CAMTA1: variants seen among roughly 807,000 people sequenced by gnomAD.
CAMTA1 encodes calmodulin binding transcription activator 1, also known as calmodulin-binding transcription activator 1.
Under a neutral mutation model 170.9 loss-of-function variants are expected in CAMTA1, and 27 were observed. The observed-to-expected ratio is 0.16, with a 90% CI of 0.12 to 0.22. The LOEUF (loss-of-function observed/expected upper bound fraction) is 0.22. Among genes scored for constraint, CAMTA1 ranks in the 10% least tolerant of loss-of-function variants. The pLI is 1.00. For synonymous variants in CAMTA1, 833 were observed against 891.5 expected, an observed-to-expected ratio of 0.93 and a Z score of 1.17; for missense variants, 1,619 against 2,217.2, an observed-to-expected ratio of 0.73 and a Z score of 5.42.
intron 6 of CAMTA1, among the ~76,000 whole-genome samples, chr1:7,475,561 C>A (rs1022805885): frequency 3.3e-5 from 5 of 152,332 alleles, no homozygotes; most frequent in Admixed American, 2.0e-4. Flanking sequence ...GTTATAAGCA[C>A]CCTGTGTTAC....
chr1:6,856,188 G>A (rs909784036), intron 3 of CAMTA1, among the ~76,000 whole-genome samples: 2 of 152,122 alleles, frequency 1.3e-5, no homozygotes, highest in Admixed American at 1.3e-4. Flanking sequence ...GAAGCCACCT[G>A]CGTTGCAGGA....
Position 7,286,553 on chromosome 1 carries a change from G to A in CAMTA1, c.438+36927G>A, listed in dbSNP as rs894754627. Among the ~76,000 whole-genome samples, 2 of 152,326 alleles carry A rather than the reference G, an allele frequency of 1.3e-5. No homozygotes were observed. Among genetic ancestry groups the A allele is most frequent in the Admixed American group, 6.5e-5 (1 of 15,300 alleles). On this transcript the variant is annotated intron_variant, in intron 5 of 22. Transcript: ENST00000303635. This position sits in a 1 kb window ranked among gnomAD's most constrained non-coding sequence, Gnocchi z 4.2. ...CTGGGGAGATGTACCTGTGGCTGACGTTAATGCACAGAATCATTGTAGTAT... is the reference window on the plus strand; with the variant it reads ...CTGGGGAGATGTACCTGTGGCTGACATTAATGCACAGAATCATTGTAGTAT...
At chr1:7,527,966 C>T (rs1023184439) in intron 6 of CAMTA1, among the ~76,000 whole-genome samples, 1 of 152,136 alleles carries the variant, frequency 6.6e-6, no homozygotes, top group Non-Finnish European at 1.5e-5. Flanking sequence ...GAGGGCGCAG[C>T]GGCAAGAGCC....
chr1:7,558,860 G>C (rs1452574016), intron 6 of CAMTA1, among the ~76,000 whole-genome samples: 2 of 152,262 alleles, frequency 1.3e-5, no homozygotes, highest in African/African-American at 4.8e-5. Flanking sequence ...ATTTAGTTCT[G>C]ATATCTTAAT....
chr1:6,856,290 T>C (rs1662334952), intron 3 of CAMTA1, among the ~76,000 whole-genome samples: 1 of 151,964 alleles, frequency 6.6e-6, no homozygotes, highest in Non-Finnish European at 1.5e-5. Flanking sequence ...TTTTTTTTTT[T>C]TTCTCTGTGA....
chr1:7,101,967 T>C (rs1363968124), intron 4 of CAMTA1, among the ~76,000 whole-genome samples: 2 of 151,754 alleles, frequency 1.3e-5, no homozygotes, highest in Non-Finnish European at 2.9e-5. Context: ...AATGCATGCA[T>C]GCAGCACAGA....
intron 5 of CAMTA1, among the ~76,000 whole-genome samples, chr1:7,373,297 C>T (rs2086615488): frequency 6.6e-6 from 1 of 152,234 alleles, no homozygotes; most frequent in African/African-American, 2.4e-5. Flanking sequence ...GTCGCTGGAG[C>T]TGCCAAAGCT....
chr1:7,497,653 A>C (rs562007491), intron 6 of CAMTA1, among the ~76,000 whole-genome samples: 1 of 152,046 alleles, frequency 6.6e-6, no homozygotes, highest in African/African-American at 2.4e-5. Context: ...TACCACTTTC[A>C]TTTTTCACTG....
In CAMTA1 at chr1:6,982,881, C is replaced by A. The variant is rs571859335; in HGVS notation, c.235-108423C>A. ...CAAACTCATAGGGCTTGGTGGGGACCAGGCCAATGCAGGACAATTGGGCCT... is the reference window on the plus strand; with the variant it reads ...CAAACTCATAGGGCTTGGTGGGGACAAGGCCAATGCAGGACAATTGGGCCT... On this transcript the variant is annotated intron_variant, in intron 3 of 22. Transcript: ENST00000303635. Among the ~76,000 whole-genome samples, 17 of 152,278 alleles carry A rather than the reference C, an allele frequency of 1.1e-4. No homozygotes were observed. The East Asian group carries it at 2.5e-3, about 23-fold the overall frequency.
At position 7,592,204 on chromosome 1, in the gene CAMTA1, TCA is replaced by T; in HGVS notation, c.511-48193_511-48192del. ...ATGAGCCACCGCACCCAGCCACTTT[TCA>T]CAGTTTAGATCTCAGCTCAGTGGCC... On this transcript the variant is annotated intron_variant, in intron 6 of 22. Coordinates refer to ENST00000303635, the MANE Select transcript of CAMTA1 (RefSeq NM_015215.4). This position sits in a 1 kb window ranked among gnomAD's most constrained non-coding sequence, Gnocchi z 4.6. Among the ~76,000 whole-genome samples the T allele has an allele frequency of 6.6e-6, 1 of 152,334 alleles. No individual in the cohort carries two copies. Among genetic ancestry groups the T allele is most frequent in the Middle Eastern group, 3.4e-3 (1 of 294 alleles).
chr1:7,597,716 G>A (rs2095410883), intron 6 of CAMTA1, among the ~76,000 whole-genome samples: 1 of 152,174 alleles, frequency 6.6e-6, no homozygotes, highest in East Asian at 1.9e-4. Context: ...TCTTTCTTGG[G>A]GACCTCAGTC....
intron 6 of CAMTA1, among the ~76,000 whole-genome samples, chr1:7,495,842 C>G (rs944111688): frequency 1.3e-5 from 2 of 152,240 alleles, no homozygotes; most frequent in African/African-American, 4.8e-5. Flanking sequence ...CAGAGTTCCT[C>G]TCAGGGCTCC....
chr1:7,125,168 G>A (rs1558135446), intron 4 of CAMTA1, among the ~76,000 whole-genome samples: 1 of 152,164 alleles, frequency 6.6e-6, no homozygotes, highest in Non-Finnish European at 1.5e-5. Context: ...GGCACGCTGA[G>A]CCAAGCATGG....
chr1:7,098,806 G>T (rs1642392053), intron 4 of CAMTA1, among the ~76,000 whole-genome samples: 2 of 152,146 alleles, frequency 1.3e-5, no homozygotes, highest in South Asian at 4.1e-4. Context: ...GGACATGTGA[G>T]CCTCATGTGA....
intron 3 of CAMTA1, among the ~76,000 whole-genome samples, chr1:7,069,020 C>T (rs762157032): frequency 1.3e-5 from 2 of 152,204 alleles, no homozygotes; most frequent in South Asian, 2.1e-4. Context: ...GCCTGGCCTC[C>T]GCAGAGCTGG....
chr1:7,388,668 G>A (rs1255748809), intron 5 of CAMTA1, among the ~76,000 whole-genome samples: 1 of 152,158 alleles, frequency 6.6e-6, no homozygotes, highest in Non-Finnish European at 1.5e-5. Context: ...TGAGTCCAGG[G>A]GGCCTGGCCA....
chr1:7,393,211 T>A (rs571747589), intron 5 of CAMTA1, among the ~76,000 whole-genome samples: 1 of 152,282 alleles, frequency 6.6e-6, no homozygotes, highest in South Asian at 2.1e-4. Context: ...TTATATGCCA[T>A]CTGTATGTTT....
Position 7,673,332 on chromosome 1 carries a change from C to T in CAMTA1, c.2779+2295C>T, listed in dbSNP as rs1193369349. On this transcript the variant is annotated intron_variant, in intron 10 of 22. Coordinates refer to ENST00000303635, the MANE Select transcript of CAMTA1 (RefSeq NM_015215.4). The surrounding 1 kb of genome is among the most constrained non-coding windows in gnomAD (Gnocchi z 4.6). ...TGACCTCTCTGGGCCTCAGTTTCTA[C>T]AGCTCTGAAAACTGCCTGCCAGCAG... Among the ~76,000 whole-genome samples, 1 of 152,248 alleles carries T rather than the reference C, an allele frequency of 6.6e-6. No homozygotes were observed. Among genetic ancestry groups the T allele is most frequent in the African/African-American group, 2.4e-5 (1 of 41,468 alleles).
intron 3 of CAMTA1, among the ~76,000 whole-genome samples, chr1:7,061,324 C>T (rs1041837847): frequency 7.2e-5 from 11 of 152,340 alleles, no homozygotes; most frequent in African/African-American, 2.4e-4. Context: ...ACGTGTCCAC[C>T]GTCCTGCTGG....
Sources: allele counts gnomAD v4.1 joint callset (sites outside exome capture counted in the v4.1 genomes callset), GRCh38; gene constraint gnomAD v4.1.1; non-coding constraint Gnocchi (gnomAD v3.1); transcripts MANE v1.5; gene names NCBI Gene and HGNC (gene_info 2026-07-23, HGNC 2026-07-21).